Variants in ALCAM observed in about 807,000 individuals in gnomAD.
The protein encoded by ALCAM is CD166 antigen.
In ALCAM, 30 loss-of-function variants were observed where a neutral mutation model predicts 70.9. That is an observed-to-expected ratio of 0.42 (90% CI 0.32 to 0.57). The LOEUF is 0.57. Ranked by LOEUF, ALCAM falls within the 20% of genes least tolerant of loss-of-function variation. ALCAM has a pLI of 0.11. For missense variants in ALCAM, 591 were observed against 695.1 expected, an observed-to-expected ratio of 0.85 and a Z score of 1.68; for synonymous variants, 249 against 242.5, an observed-to-expected ratio of 1.03 and a Z score of -0.25.
intron 1 of ALCAM, among the ~76,000 whole-genome samples, chr3:105,435,218 T>C (rs1937024325): frequency 6.6e-6 from 1 of 152,202 alleles, no homozygotes; most frequent in Non-Finnish European, 1.5e-5. Flanking sequence ...CTGACAAAAA[T>C]ATAAGATTAA....
intron 14 of ALCAM, among the ~76,000 whole-genome samples, chr3:105,569,373 T>C (rs1940814788): frequency 6.6e-6 from 1 of 152,158 alleles, no homozygotes; most frequent in Non-Finnish European, 1.5e-5. Context: ...CACAATATCT[T>C]ACTGATTTAT....
At chr3:105,428,353 C>T (rs1035353536) in intron 1 of ALCAM, among the ~76,000 whole-genome samples, 3 of 151,796 alleles carry the variant, frequency 2.0e-5, no homozygotes, top group African/African-American at 7.3e-5. Context: ...TAATTTTCAC[C>T]CTTATAGCCC....
chr3:105,545,693 A>C (rs1940229927), intron 9 of ALCAM, among the ~76,000 whole-genome samples: 1 of 151,482 alleles, frequency 6.6e-6, no homozygotes, highest in Non-Finnish European at 1.5e-5. Flanking sequence ...TGATATTTAC[A>C]ACAACCCTGT....
intron 1 of ALCAM, among the ~76,000 whole-genome samples, chr3:105,430,417 T>G (rs1327614438): frequency 6.6e-6 from 1 of 152,062 alleles, no homozygotes; most frequent in African/African-American, 2.4e-5. Flanking sequence ...TTGACAGTTT[T>G]GAGGGGTATT....
At chr3:105,383,716 G>C (rs1035946077) in intron 1 of ALCAM, among the ~76,000 whole-genome samples, 1 of 151,600 alleles carries the variant, frequency 6.6e-6, no homozygotes, top group Admixed American at 6.6e-5. Context: ...CTCTTCTTGA[G>C]TTTCCATATT....
intron 1 of ALCAM, among the ~76,000 whole-genome samples, chr3:105,436,850 T>A (rs779687461): frequency 8.5e-5 from 13 of 152,140 alleles, no homozygotes; most frequent in Non-Finnish European, 1.3e-4. Flanking sequence ...GATGATGCAA[T>A]GACAGTCAGG....
intron 1 of ALCAM, among the ~76,000 whole-genome samples, chr3:105,381,604 A>G (rs2107334841): frequency 6.6e-6 from 1 of 152,078 alleles, no homozygotes; most frequent in South Asian, 2.1e-4. Flanking sequence ...TAAAAATGAG[A>G]TGCTTTGCAG....
Position 105,533,705 on chromosome 3 carries a change from A to C in ALCAM, c.547+15A>C, listed in dbSNP as rs2152627266. 6.2e-7 allele frequency: 1 copy of C among 1,606,880 alleles called. No individual in the cohort carries two copies. On this transcript the variant is annotated intron_variant, in intron 5 of 15. Coordinates refer to ENST00000306107, the MANE Select transcript of ALCAM (RefSeq NM_001627.4). ...CCTTGAAGGAGGTGGGTGTGAGGGC[A>C]GGAGGACAGGGAGTACATTCAGAGG...
intron 1 of ALCAM, among the ~76,000 whole-genome samples, chr3:105,483,205 A>G (rs911785648): frequency 1.3e-5 from 2 of 152,202 alleles, no homozygotes; most frequent in Non-Finnish European, 2.9e-5. Context: ...ACAATAAAGT[A>G]AATGAGGGGA....
intron 1 of ALCAM, among the ~76,000 whole-genome samples, chr3:105,499,644 T>C (rs1035059916): frequency 2.6e-5 from 4 of 152,344 alleles, no homozygotes; most frequent in African/African-American, 9.6e-5. Flanking sequence ...TAAAATCTGC[T>C]GGGGCGGAGA....
chr3:105,534,158 A>G (rs1370480713), intron 5 of ALCAM, among the ~76,000 whole-genome samples: 2 of 152,148 alleles, frequency 1.3e-5, no homozygotes, highest in Non-Finnish European at 2.9e-5. Flanking sequence ...CTCAGTCAGT[A>G]ATGTGAGCCA....
intron 1 of ALCAM, among the ~76,000 whole-genome samples, chr3:105,450,684 TA>T: frequency 6.6e-6 from 1 of 152,176 alleles, no homozygotes; most frequent in Non-Finnish European, 1.5e-5. Context: ...TCAGACAGAA[TA>T]GATGGAGTGT....
At position 105,386,234 on chromosome 3, in the gene ALCAM, G is replaced by A. The variant is rs139684254; in HGVS notation, c.73+18753G>A. Among the ~76,000 whole-genome samples the A allele has an allele frequency of 3.8e-3, 579 of 151,730 alleles. 6 individuals carry two copies. The highest frequency in any genetic ancestry group is 0.027 in the Middle Eastern group (8 of 292). On this transcript the variant is annotated intron_variant, in intron 1 of 15. Transcript: ENST00000306107. ...TGGGTAAACAAATCTGAAGGAAGAA[G>A]AAATTAATATTAGAAAAGCAGAGTT...
chr3:105,463,078 A>G (rs958713682), intron 1 of ALCAM, among the ~76,000 whole-genome samples: 3 of 151,498 alleles, frequency 2.0e-5, no homozygotes, highest in Non-Finnish European at 4.4e-5. Flanking sequence ...CAAATACAAT[A>G]CATTTTAACC....
intron 14 of ALCAM, among the ~76,000 whole-genome samples, chr3:105,553,605 T>C (rs752901919): frequency 1.3e-5 from 2 of 151,840 alleles, no homozygotes; most frequent in African/African-American, 2.4e-5. Flanking sequence ...CTTGTAAAGA[T>C]GCCAGTTCCA....
intron 1 of ALCAM, among the ~76,000 whole-genome samples, chr3:105,474,999 A>G (rs1479758422): frequency 1.3e-5 from 2 of 151,902 alleles, no homozygotes; most frequent in Non-Finnish European, 2.9e-5. Context: ...AAAAAATTTA[A>G]TTATCTAACA....
chr3:105,549,752 A>G (rs762657945), intron 11 of ALCAM, among the ~76,000 whole-genome samples: 15 of 151,500 alleles, frequency 9.9e-5, no homozygotes, highest in South Asian at 4.1e-4. Flanking sequence ...AACAGTGACT[A>G]AATTTATAAA....
At position 105,367,281 on chromosome 3, in the gene ALCAM, G is replaced by C. The variant is rs1320607612; in HGVS notation, c.-128G>C. 4 of 845,460 alleles carry C rather than the reference G, an allele frequency of 4.7e-6. No homozygotes were observed. Among genetic ancestry groups the C allele is most frequent in the East Asian group, 2.6e-5 (1 of 38,736 alleles). 52.4% of individuals were successfully genotyped at this position (845,460 alleles called of 1,614,324 possible). On this transcript the variant is annotated 5_prime_UTR_variant, in exon 1 of 16. Coordinates refer to ENST00000306107, the MANE Select transcript of ALCAM (RefSeq NM_001627.4). ...GGTGCAGCGCCACAGCCCAGGGGAC[G>C]GTGTGTCTGGGAGAAGACGCTGCCC...
intron 1 of ALCAM, among the ~76,000 whole-genome samples, chr3:105,412,711 C>T (rs1003383150): frequency 1.3e-5 from 2 of 151,984 alleles, no homozygotes; most frequent in African/African-American, 2.4e-5. Context: ...AAGCAAATGA[C>T]GTTTTGTTTA....
Sources: gnomAD v4.1 joint callset for allele counts (sites outside exome capture counted in the v4.1 genomes callset) on GRCh38, gnomAD v4.1.1 for gene constraint, MANE v1.5 for transcripts, NCBI Gene and HGNC (gene_info 2026-07-23, HGNC 2026-07-21) for gene names.